VANGL2: variants seen among roughly 807,000 people sequenced by gnomAD.
VANGL2 encodes VANGL planar cell polarity protein 2, also known as vang-like protein 2.
VANGL2 carries 14 observed loss-of-function variants against 50.2 expected under a neutral mutation model. The ratio of observed to expected loss-of-function variants is 0.28; its 90% confidence interval spans 0.18 to 0.44. VANGL2 has a LOEUF of 0.44. Among genes scored for constraint, VANGL2 ranks in the 20% least tolerant of loss-of-function variants. The pLI is 1.00. For synonymous variants in VANGL2, 295 were observed against 297.2 expected (o/e 0.99, Z 0.08); for missense variants, 533 against 701.5 (o/e 0.76, Z 2.71).
chr1:160,424,170 A>G lies in VANGL2; in HGVS notation c.1192A>G (p.Met398Val), dbSNP rs1651369692. The G allele has an allele frequency of 1.2e-6, 2 of 1,614,192 alleles. No homozygotes were observed. Among genetic ancestry groups the G allele is most frequent in the East Asian group, 2.2e-5 (1 of 44,884 alleles). The change falls in exon 7 of 8, where the codon ATG (methionine) becomes GTG (valine). Residue 398 changes from methionine to valine, a missense_variant. Physicochemically the swap from Met to Val is conservative, Grantham distance 21. Coordinates refer to ENST00000368061, the MANE Select transcript of VANGL2 (RefSeq NM_020335.3). ...GGCAGCCCAAGCCATCTTTGCATCC[A>G]TGGCCCGTGCCATGCAGAAGTACCT... ...REAAQAIFAS[M>V]ARAMQKYLRT...
rs897027183 is a variant in VANGL2 at position 160,400,883 on chromosome 1, C to A, written c.-191+14C>A. On this transcript the variant is annotated intron_variant, in intron 1 of 7. Transcript: ENST00000368061. The stretch of plus-strand genomic sequence containing the variant: ...TCGCAGCGGCGGGTGAGTGCCGGGC[C>A]GCGGGGGCGCGGGCAAAGTTTGAAA... The A allele has an allele frequency of 6.6e-6, 1 of 151,656 alleles. No individual in the cohort carries two copies. The highest frequency in any genetic ancestry group is 2.4e-5 in the African/African-American group (1 of 41,178). 9.4% of individuals were successfully genotyped at this position (151,656 alleles called of 1,614,324 possible).
At chr1:160,423,932 C>A in intron 6 of VANGL2, 120 bp from the exon 7 acceptor site, 2 of 1,107,514 alleles carry the variant, frequency 1.8e-6, no homozygotes, top group Non-Finnish European at 2.7e-6. Context: ...CTTTGTATTA[C>A]TTTGGGTGAG....
intron 6 of VANGL2, among the ~76,000 whole-genome samples, chr1:160,422,293 C>G (rs1168969859): frequency 6.6e-6 from 1 of 152,238 alleles, no homozygotes; most frequent in Non-Finnish European, 1.5e-5. Context: ...AGTGATGTCC[C>G]TACCCCTTTA....
Position 160,428,635 on chromosome 1 carries a change from A to T in VANGL2, c.*3257A>T, listed in dbSNP as rs988801580. 1 of 152,406 alleles carries T rather than the reference A, an allele frequency of 6.6e-6. No individual in the cohort carries two copies. The highest frequency in any genetic ancestry group is 2.1e-4 in the South Asian group (1 of 4,818). The allele number at this position is 152,406 out of a possible 1,614,324, so 9.4% of individuals were successfully genotyped here. A position where few individuals can be genotyped will look rare whatever the true frequency, so the allele number is the denominator to read the frequency against. On this transcript the variant is annotated 3_prime_UTR_variant, in exon 8 of 8. Coordinates refer to ENST00000368061, the MANE Select transcript of VANGL2 (RefSeq NM_020335.3). ...AAACATAGGAACTAAAACTGTACAAATTTTTTTTATATAAAATAAAGACAT... is the reference window on the plus strand; with the variant it reads ...AAACATAGGAACTAAAACTGTACAATTTTTTTTTATATAAAATAAAGACAT...
At chr1:160,424,352 C>T (rs1651376151) in intron 7 of VANGL2, 69 bp downstream of exon 7, 1 of 1,460,570 alleles carries the variant, frequency 6.8e-7, no homozygotes, top group Non-Finnish European at 9.5e-7. Flanking sequence ...CTTCATTTTC[C>T]CTTATTCTCT....
chr1:160,406,479 G>A (rs924127272), intron 1 of VANGL2, among the ~76,000 whole-genome samples: 5 of 152,310 alleles, frequency 3.3e-5, no homozygotes, highest in South Asian at 4.1e-4. Flanking sequence ...CTCTCCTGGG[G>A]TGGGTCTCTT....
intron 1 of VANGL2, among the ~76,000 whole-genome samples, chr1:160,413,308 T>C (rs1167703531): frequency 6.9e-6 from 1 of 145,178 alleles, no homozygotes; most frequent in East Asian, 2.0e-4. Flanking sequence ...TGAGACGGAG[T>C]CTCGTTCTGT....
At chr1:160,406,854 G>T (rs1419946242) in intron 1 of VANGL2, among the ~76,000 whole-genome samples, 1 of 151,760 alleles carries the variant, frequency 6.6e-6, no homozygotes. Flanking sequence ...TCAGCCTCCC[G>T]AATAGCTGGG....
intron 1 of VANGL2, among the ~76,000 whole-genome samples, chr1:160,412,280 T>G (rs1302581633): frequency 2.6e-5 from 4 of 151,938 alleles, no homozygotes; most frequent in African/African-American, 9.7e-5. Flanking sequence ...GATGAGGAGA[T>G]GGACAGCCTG....
chr1:160,416,150 C>A lies in VANGL2; in HGVS notation c.160C>A (p.Leu54Met). The A allele has an allele frequency of 6.2e-7, 1 of 1,614,196 alleles. No individual in the cohort carries two copies. The highest frequency in any genetic ancestry group is 8.5e-7 in the Non-Finnish European group (1 of 1,180,030). Residue 54 changes from leucine (L) to methionine (M), a missense_variant, in exon 3 of 8, where the codon CTG becomes ATG. Leu to Met is a conservative substitution (Grantham distance 15). Transcript: ENST00000368061. Reference sequence around the variant, plus strand: ...AATCCAGGCTCCCGGGGAGCCCCTGCTGGACAATGAGTCCACACGAGGGGA... The same window carrying A: ...AATCCAGGCTCCCGGGGAGCCCCTGATGGACAATGAGTCCACACGAGGGGA... ...VTIQAPGEPL[L>M]DNESTRGDER...
Position 160,425,616 on chromosome 1 carries a change from A to G in VANGL2, c.*238A>G, listed in dbSNP as rs1163784914. 3.8e-6 allele frequency: 2 copies of G among 532,124 alleles called. No homozygotes were observed. The highest frequency in any genetic ancestry group is 6.7e-6 in the Non-Finnish European group (2 of 299,438). The allele number at this position is 532,124 out of a possible 1,614,324, so 33.0% of individuals were successfully genotyped here. On this transcript the variant is annotated 3_prime_UTR_variant, in exon 8 of 8. Transcript: ENST00000368061. ...GGGAAGGACTCCCACCTCACCAACA[A>G]CTTTTGTATTACTCTAGGCCCTGCA...
chr1:160,402,359 A>G (rs1650503538), intron 1 of VANGL2, among the ~76,000 whole-genome samples: 1 of 152,162 alleles, frequency 6.6e-6, no homozygotes, highest in African/African-American at 2.4e-5. Flanking sequence ...AAGCCGTCTC[A>G]GAGTTTGCTG....
intron 6 of VANGL2, among the ~76,000 whole-genome samples, chr1:160,422,236 C>G (rs966756994): frequency 5.9e-5 from 9 of 152,230 alleles, no homozygotes; most frequent in African/African-American, 2.2e-4. Flanking sequence ...GCATTCCAAC[C>G]TGTCTCTAAT....
chr1:160,425,340 A>G lies in VANGL2; in HGVS notation c.1528A>G (p.Lys510Glu). ...GGAATTTGTGGATCCCAAGTCACAC[A>G]AGTTTGTCATGAGGCTGCAGTCTGA... is the stretch of plus-strand genomic sequence containing the variant. ...SEEFVDPKSH[K>E]FVMRLQSETS... Residue 510 changes from lysine to glutamate, a missense_variant, in exon 8 of 8, where the codon AAG becomes GAG. Transcript: ENST00000368061. The G allele has an allele frequency of 6.3e-7, 1 of 1,589,218 alleles. No individual in the cohort carries two copies. The highest frequency in any genetic ancestry group is 8.6e-7 in the Non-Finnish European group (1 of 1,165,820).
intron 1 of VANGL2, among the ~76,000 whole-genome samples, chr1:160,406,292 C>T (rs1650656991): frequency 6.6e-6 from 1 of 152,184 alleles, no homozygotes. Context: ...TCATTATTGC[C>T]TTTAATCTTG....
intron 1 of VANGL2, among the ~76,000 whole-genome samples, chr1:160,404,263 A>C (rs1006133706): frequency 1.3e-5 from 2 of 152,194 alleles, no homozygotes; most frequent in Admixed American, 6.5e-5. Flanking sequence ...ATGTGAAAAC[A>C]TGTTGATTCA....
intron 3 of VANGL2, among the ~76,000 whole-genome samples, chr1:160,418,735 T>C (rs1447125693): frequency 6.6e-6 from 1 of 152,184 alleles, no homozygotes; most frequent in Non-Finnish European, 1.5e-5. Context: ...GTGTGGTTTT[T>C]TCCTCTCTCA....
chr1:160,410,253 A>G (rs1446628663), intron 1 of VANGL2, among the ~76,000 whole-genome samples: 1 of 151,284 alleles, frequency 6.6e-6, no homozygotes, highest in Non-Finnish European at 1.5e-5. Flanking sequence ...TAAAAATCAA[A>G]CCCAAGCACC....
At position 160,427,625 on chromosome 1, in the gene VANGL2, A is replaced by G. The variant is rs961187028; in HGVS notation, c.*2247A>G. ...AATGTCAGGATGAATTGTCAGACAT[A>G]TGGCCATGTGTTTGTCCTCTGCTTC... On this transcript the variant is annotated 3_prime_UTR_variant, in exon 8 of 8. Coordinates refer to ENST00000368061, the MANE Select transcript of VANGL2 (RefSeq NM_020335.3). The G allele has an allele frequency of 2.6e-5, 4 of 151,976 alleles. No individual in the cohort carries two copies. In the East Asian group the frequency reaches 7.7e-4, roughly 29 times the overall value. 9.4% of individuals were successfully genotyped at this position (151,976 alleles called of 1,614,324 possible).
Sources: allele counts gnomAD v4.1 joint callset (sites outside exome capture counted in the v4.1 genomes callset), GRCh38; gene constraint gnomAD v4.1.1; transcripts MANE v1.5; gene names NCBI Gene and HGNC (gene_info 2026-07-23, HGNC 2026-07-21).